The following CLDN16 variants were observed in gnomAD, a reference collection of about 807,000 sequenced individuals.
CLDN16 encodes claudin-16.
Under a neutral mutation model 24.6 loss-of-function variants are expected in CLDN16, and 13 were observed. The observed-to-expected ratio is 0.53, with a 90% CI of 0.34 to 0.84. The LOEUF is 0.84. CLDN16 is among the 40% of genes least tolerant of loss of function. The probability of loss-of-function intolerance (pLI) is 0.01; values close to 1 mark genes in which losing one functional copy is unlikely to be tolerated. For synonymous variants in CLDN16, 116 were observed against 106.7 expected (o/e 1.09, Z -0.54); for missense variants, 298 against 292.7 (o/e 1.02, Z -0.13).
chr3:190,403,704 T>C (rs1719018681), intron 2 of CLDN16, among the ~76,000 whole-genome samples: 1 of 152,170 alleles, frequency 6.6e-6, no homozygotes, highest in South Asian at 2.1e-4. Context: ...TATTTAAAAG[T>C]TGGGTGCGTG....
the CLDN16 span, among the ~76,000 whole-genome samples, chr3:190,303,119 T>TA: frequency 6.6e-6 from 1 of 152,186 alleles, no homozygotes; most frequent in South Asian, 2.1e-4. Context: ...CATATTGTGG[T>TA]AAAAAATTAT....
At chr3:190,366,836 C>T (rs1288681734) in intron 1 of CLDN16, among the ~76,000 whole-genome samples, 3 of 151,880 alleles carry the variant, frequency 2.0e-5, no homozygotes, top group South Asian at 2.1e-4. Context: ...ATCTAAGTCT[C>T]CCAGCAGCTT....
At chr3:190,355,002 A>T (rs1163440822) in intron 1 of CLDN16, among the ~76,000 whole-genome samples, 1 of 152,056 alleles carries the variant, frequency 6.6e-6, no homozygotes, top group Non-Finnish European at 1.5e-5. Flanking sequence ...TCAATAAATC[A>T]ACATTATTCT....
the CLDN16 span, among the ~76,000 whole-genome samples, chr3:190,291,903 C>CGAG: frequency 1.3e-5 from 2 of 152,174 alleles, no homozygotes; most frequent in African/African-American, 4.8e-5. Flanking sequence ...GACTCCATGT[C>CGAG]TCACGTCCAG....
rs1483616922 is a variant in CLDN16 at position 190,410,727 on chromosome 3, A to G, written c.*691A>G. 2 of 152,136 alleles carry G rather than the reference A, an allele frequency of 1.3e-5. No individual in the cohort carries two copies. The highest frequency in any genetic ancestry group is 1.9e-4 in the East Asian group (1 of 5,192). The allele number at this position is 152,136 out of a possible 1,614,324, so 9.4% of individuals were successfully genotyped here. ...TAAGGGATCTCCATATTATTTCACC[A>G]CTATTCTAGCTTTGCTGATATATTG... On this transcript the variant is annotated 3_prime_UTR_variant, in exon 5 of 5. Coordinates refer to ENST00000264734, the MANE Select transcript of CLDN16 (RefSeq NM_006580.4).
intron 1 of CLDN16, among the ~76,000 whole-genome samples, chr3:190,339,485 G>A (rs1717382215): frequency 6.6e-6 from 1 of 152,188 alleles, no homozygotes; most frequent in Non-Finnish European, 1.5e-5. Flanking sequence ...CAGTGTTGAG[G>A]AGACAATGTA....
chr3:190,396,862 G>C (rs1313303801), intron 1 of CLDN16, among the ~76,000 whole-genome samples: 1 of 53,520 alleles, frequency 1.9e-5, no homozygotes, highest in East Asian at 9.4e-4. Flanking sequence ...GACAGGTTGA[G>C]AGCAAGGAGT....
intron 1 of CLDN16, among the ~76,000 whole-genome samples, chr3:190,367,750 CT>C (rs1401664988): frequency 6.6e-6 from 1 of 151,946 alleles, no homozygotes; most frequent in Non-Finnish European, 1.5e-5. Context: ...GTTTTATGCA[CT>C]TTTGGCTCCA....
chr3:190,344,112 T>C (rs1179154875), intron 1 of CLDN16, among the ~76,000 whole-genome samples: 2 of 146,584 alleles, frequency 1.4e-5, no homozygotes, highest in African/African-American at 5.5e-5. Flanking sequence ...TTTAATGAAA[T>C]GAAATATAAA....
chr3:190,311,371 C>A, the CLDN16 span, among the ~76,000 whole-genome samples: 3 of 152,138 alleles, frequency 2.0e-5, no homozygotes, highest in Non-Finnish European at 4.4e-5. Context: ...ACTATCCATG[C>A]CTTTTCAGAG....
chr3:190,331,292 A>C (rs1717175066), intron 1 of CLDN16, among the ~76,000 whole-genome samples: 1 of 152,314 alleles, frequency 6.6e-6, no homozygotes, highest in Admixed American at 6.5e-5. Context: ...TATTCCCACA[A>C]GCTTTATCAA....
chr3:190,312,801 C>G, the CLDN16 span: 7 of 1,541,836 alleles, frequency 4.5e-6, no homozygotes, highest in East Asian at 1.6e-4. Context: ...TATAATGAAT[C>G]CAACGTAATA....
At chr3:190,378,336 C>G (rs1166641510) in intron 3 of CLDN16, among the ~76,000 whole-genome samples, 2 of 151,876 alleles carry the variant, frequency 1.3e-5, no homozygotes, top group Non-Finnish European at 2.9e-5. Flanking sequence ...GAGAGAAGTT[C>G]TTTCTAAAGG....
intron 1 of CLDN16, among the ~76,000 whole-genome samples, chr3:190,360,678 T>G (rs1717869368): frequency 6.6e-6 from 1 of 151,960 alleles, no homozygotes; most frequent in Non-Finnish European, 1.5e-5. Flanking sequence ...CTTTGTTCTC[T>G]TTTTCCTCCT....
chr3:190,347,942 C>A (rs373920668), intron 1 of CLDN16, among the ~76,000 whole-genome samples: 1 of 151,756 alleles, frequency 6.6e-6, no homozygotes, highest in Non-Finnish European at 1.5e-5. Context: ...GGCGAGGAAT[C>A]GGTAGAAGAT....
chr3:190,390,448 C>T (rs879271490), intron 1 of CLDN16, among the ~76,000 whole-genome samples: 3 of 152,092 alleles, frequency 2.0e-5, no homozygotes, highest in East Asian at 1.9e-4. Flanking sequence ...GCAGGAGAAT[C>T]GCTTGAACTA....
chr3:190,303,584 A>G, the CLDN16 span, among the ~76,000 whole-genome samples: 2 of 152,202 alleles, frequency 1.3e-5, no homozygotes, highest in African/African-American at 4.8e-5. Context: ...AAAATCACAG[A>G]AATGCTATTC....
At chr3:190,375,898 G>A (rs1718237937) in intron 3 of CLDN16, among the ~76,000 whole-genome samples, 1 of 151,472 alleles carries the variant, frequency 6.6e-6, no homozygotes, top group African/African-American at 2.4e-5. Flanking sequence ...AAAACACCCT[G>A]AGTTGTCACC....
At chr3:190,308,273 T>TG in the CLDN16 span, 1 of 1,613,850 alleles carries the variant, frequency 6.2e-7, no homozygotes, top group South Asian at 1.1e-5. Context: ...CTTTTGCCTC[T>TG]GTGTCACACG....
Sources: gnomAD v4.1 joint callset for allele counts (sites outside exome capture counted in the v4.1 genomes callset) on GRCh38, gnomAD v4.1.1 for gene constraint, MANE v1.5 for transcripts, NCBI Gene and HGNC (gene_info 2026-07-23, HGNC 2026-07-21) for gene names.